Variants in FAM210A observed in about 807,000 individuals in gnomAD.
The protein encoded by FAM210A is family with sequence similarity 210 member A.
A neutral mutation model predicts 25.3 loss-of-function variants in FAM210A; 13 were observed. The observed-to-expected ratio is 0.51, with a 90% CI of 0.33 to 0.82. FAM210A has a LOEUF of 0.82. FAM210A is among the 40% of genes least tolerant of loss of function. The pLI is 0.02. For missense variants in FAM210A, 319 were observed against 323.2 expected, an observed-to-expected ratio of 0.99 and a Z score of 0.10; for synonymous variants, 125 against 118.7, an observed-to-expected ratio of 1.05 and a Z score of -0.35.
chr18:13,670,713 G>A (rs1372902867), intron 3 of FAM210A, among the ~76,000 whole-genome samples: 2 of 152,170 alleles, frequency 1.3e-5, no homozygotes, highest in Non-Finnish European at 2.9e-5. Flanking sequence ...ATGCTGTCAG[G>A]CCGGCTGCAG....
intron 1 of FAM210A, among the ~76,000 whole-genome samples, chr18:13,703,160 A>G (rs142995601): frequency 6.6e-6 from 1 of 152,228 alleles, no homozygotes; most frequent in Non-Finnish European, 1.5e-5. Flanking sequence ...TGCAATATCT[A>G]ACATTTTTTA....
chr18:13,671,560 T>C (rs756414286), intron 3 of FAM210A, among the ~76,000 whole-genome samples: 3 of 151,860 alleles, frequency 2.0e-5, no homozygotes, highest in Non-Finnish European at 4.4e-5. Flanking sequence ...TATTTTGTTA[T>C]CTTGTTATCT....
intron 1 of FAM210A, among the ~76,000 whole-genome samples, chr18:13,686,285 C>T (rs2043596132): frequency 6.6e-6 from 1 of 152,172 alleles, no homozygotes; most frequent in South Asian, 2.1e-4. Context: ...CCCCACCTCC[C>T]CTCACCAACC....
At chr18:13,713,764 A>T (rs547554062) in intron 1 of FAM210A, among the ~76,000 whole-genome samples, 1 of 151,002 alleles carries the variant, frequency 6.6e-6, no homozygotes, top group South Asian at 2.1e-4. Context: ...GTTTAGAGAC[A>T]GGGTCTTGCT....
chr18:13,686,962 G>T (rs1247936153), intron 1 of FAM210A, among the ~76,000 whole-genome samples: 1 of 152,068 alleles, frequency 6.6e-6, no homozygotes, highest in African/African-American at 2.4e-5. Flanking sequence ...TCCAAGAAAG[G>T]AAAACTACAG....
At chr18:13,707,326 A>C (rs1260085183) in intron 1 of FAM210A, among the ~76,000 whole-genome samples, 5 of 152,174 alleles carry the variant, frequency 3.3e-5, no homozygotes, top group African/African-American at 4.8e-5. Flanking sequence ...CAAACCAAAC[A>C]AAAGTGGAGC....
At position 13,666,419 on chromosome 18, in the gene FAM210A, T is replaced by A; in HGVS notation, c.*61A>T. 7.5e-7 allele frequency: 1 copy of A among 1,337,206 alleles called. No homozygotes were observed. Among genetic ancestry groups the A allele is most frequent in the South Asian group, 1.3e-5 (1 of 76,478 alleles). 82.8% of individuals were successfully genotyped at this position (1,337,206 alleles called of 1,614,324 possible). A position where few individuals can be genotyped will look rare whatever the true frequency, so the allele number is the denominator to read the frequency against. ...AAAAAATAATCAGACACATGTATCTTTGCCCATAGTTTCCAAAGGGTTAAA... is the reference window on the plus strand; with the variant it reads ...AAAAAATAATCAGACACATGTATCTATGCCCATAGTTTCCAAAGGGTTAAA... On this transcript the variant is annotated 3_prime_UTR_variant, in exon 4 of 4. Coordinates refer to ENST00000651643, the MANE Select transcript of FAM210A (RefSeq NM_152352.4).
chr18:13,702,047 G>C (rs1391231000), intron 1 of FAM210A, among the ~76,000 whole-genome samples: 3 of 152,208 alleles, frequency 2.0e-5, no homozygotes, highest in Non-Finnish European at 4.4e-5. Context: ...TTTACCCGTG[G>C]TTCCACAAAA....
At chr18:13,701,744 A>T (rs369763032) in intron 1 of FAM210A, among the ~76,000 whole-genome samples, 8 of 152,230 alleles carry the variant, frequency 5.3e-5, no homozygotes, top group African/African-American at 1.9e-4. Context: ...GCATTTAAAA[A>T]TGAGGTCTCT....
At chr18:13,713,725 AACACACACAC>A (rs55691136) in intron 1 of FAM210A, among the ~76,000 whole-genome samples, 14 of 142,012 alleles carry the variant, frequency 9.9e-5, no homozygotes, top group South Asian at 2.3e-4. Flanking sequence ...GTCACTATAA[AACACACACAC>A]ACACACACAC....
chr18:13,671,782 C>G, intron 3 of FAM210A, 80 bp downstream of exon 3: 1 of 806,796 alleles, frequency 1.2e-6, no homozygotes. Flanking sequence ...CAATTGGAAG[C>G]TAACATGGAA....
intron 1 of FAM210A, 103 bp downstream of exon 1, chr18:13,726,226 T>G (rs1343259193): frequency 6.6e-6 from 1 of 152,386 alleles, no homozygotes; most frequent in Non-Finnish European, 1.5e-5. Context: ...CGCGGAGCAG[T>G]TGCCGGGTTC....
At chr18:13,709,219 C>G (rs113342324) in intron 1 of FAM210A, among the ~76,000 whole-genome samples, 95 of 152,262 alleles carry the variant, frequency 6.2e-4, no homozygotes, top group Non-Finnish European at 1.1e-3. Flanking sequence ...TAAAACTTTC[C>G]CATTTTTCTT....
Position 13,666,689 on chromosome 18 carries a change from C to T in FAM210A, c.610G>A (p.Val204Met), listed in dbSNP as rs757624460. ...GTGACAGATGTTCCTCCCAAAGTCACGGTATACCGAGCAGGTGTTGCAATC... is the reference window on the plus strand; with the variant it reads ...GTGACAGATGTTCCTCCCAAAGTCATGGTATACCGAGCAGGTGTTGCAATC... ...FKIATPARYTVTLGGTSVTVK... is the reference protein window; with the variant it reads ...FKIATPARYTMTLGGTSVTVK... The change falls in exon 4 of 4, where the codon GTG becomes ATG. Residue 204 changes from valine (V) to methionine (M), a missense_variant. Coordinates refer to ENST00000651643, the MANE Select transcript of FAM210A (RefSeq NM_152352.4). 1.1e-5 allele frequency: 18 copies of T among 1,613,796 alleles called. No homozygotes were observed. In the South Asian group the frequency reaches 1.2e-4, roughly 11 times the overall value.
At chr18:13,672,832 TA>T (rs2043454770) in intron 2 of FAM210A, among the ~76,000 whole-genome samples, 1 of 152,242 alleles carries the variant, frequency 6.6e-6, no homozygotes, top group Non-Finnish European at 1.5e-5. Context: ...TCAATTACTC[TA>T]AAAGGATGCT....
intron 1 of FAM210A, among the ~76,000 whole-genome samples, chr18:13,683,332 C>G (rs1330679337): frequency 6.6e-6 from 1 of 152,104 alleles, no homozygotes; most frequent in Admixed American, 6.5e-5. Flanking sequence ...TTCCCCACCC[C>G]CATATCAATG....
chr18:13,702,530 C>A (rs1454029610), intron 1 of FAM210A, among the ~76,000 whole-genome samples: 1 of 152,188 alleles, frequency 6.6e-6, no homozygotes, highest in Non-Finnish European at 1.5e-5. Flanking sequence ...ATCCTGTGAC[C>A]ACATGGCTAC....
chr18:13,691,751 G>A (rs1263919372), intron 1 of FAM210A, among the ~76,000 whole-genome samples: 1 of 144,734 alleles, frequency 6.9e-6, no homozygotes, highest in African/African-American at 2.6e-5. Flanking sequence ...TCCTGAAGGA[G>A]GCACTAAACA....
At position 13,681,864 on chromosome 18, in the gene FAM210A, C is replaced by CGGA; in HGVS notation, c.213_214insTCC (p.Leu71_Asp72insSer). On this transcript the variant is annotated inframe_insertion, in exon 2 of 4. Coordinates refer to ENST00000651643, the MANE Select transcript of FAM210A (RefSeq NM_152352.4). Reference sequence around the variant, plus strand: ...ACTCCTGGTTGGGGTGGATGAGCATCCAATGGCCTCCTTTCCTTTGCAACA... The same window carrying CGGA: ...ACTCCTGGTTGGGGTGGATGAGCATCGGACAATGGCCTCCTTTCCTTTGCAACA... 1 of 1,614,190 alleles carries CGGA rather than the reference C, an allele frequency of 6.2e-7. No individual in the cohort carries two copies. The highest frequency in any genetic ancestry group is 8.5e-7 in the Non-Finnish European group (1 of 1,180,024).
Sources: gnomAD v4.1 joint callset for allele counts (sites outside exome capture counted in the v4.1 genomes callset) on GRCh38, gnomAD v4.1.1 for gene constraint, MANE v1.5 for transcripts, NCBI Gene and HGNC (gene_info 2026-07-23, HGNC 2026-07-21) for gene names.